Variants in BMP2K observed in about 807,000 individuals in gnomAD.
BMP2K encodes the protein BMP2 inducible kinase, also known as BMP-2-inducible protein kinase.
BMP2K carries 74 observed loss-of-function variants against 116.0 expected under a neutral mutation model. That is an observed-to-expected ratio of 0.64 (90% CI 0.53 to 0.77). The LOEUF is 0.77. Among genes scored for constraint, BMP2K ranks in the 30% least tolerant of loss-of-function variants. The pLI, the probability that BMP2K is intolerant of heterozygous loss-of-function variation, is 0.00. For missense variants in BMP2K, 1,365 were observed against 1,403.6 expected (o/e 0.97, Z 0.44); for synonymous variants, 486 against 502.5 (o/e 0.97, Z 0.44).
At chr4:78,801,511 T>C (rs969107410) in intron 1 of BMP2K, among the ~76,000 whole-genome samples, 4 of 152,164 alleles carry the variant, frequency 2.6e-5, no homozygotes, top group African/African-American at 9.6e-5. Flanking sequence ...TTTTTCTTTA[T>C]ACTGAAATAG....
intron 1 of BMP2K, among the ~76,000 whole-genome samples, chr4:78,796,069 C>T (rs1232185878): frequency 2.0e-5 from 3 of 152,054 alleles, no homozygotes; most frequent in Admixed American, 6.6e-5. Flanking sequence ...ATAAATCATG[C>T]TGCTATAAAG....
intron 6 of BMP2K, among the ~76,000 whole-genome samples, chr4:78,850,665 C>T (rs1290269478): frequency 2.0e-5 from 3 of 151,418 alleles, no homozygotes; most frequent in Admixed American, 2.0e-4. Flanking sequence ...AATTTTTTTC[C>T]AAAAAGAACC....
intron 2 of BMP2K, among the ~76,000 whole-genome samples, chr4:78,827,953 A>G (rs544992748): frequency 6.6e-6 from 1 of 152,192 alleles, no homozygotes; most frequent in Non-Finnish European, 1.5e-5. Context: ...GTACTGTCCA[A>G]GTGTCCAGTA....
chr4:78,822,270 T>C (rs747689659), intron 1 of BMP2K, among the ~76,000 whole-genome samples: 2 of 152,196 alleles, frequency 1.3e-5, no homozygotes, highest in Non-Finnish European at 2.9e-5. Flanking sequence ...TTTGTGTGTA[T>C]GTGGAGACCA....
chr4:78,859,744 A>G (rs1731679272), intron 8 of BMP2K, 57 bp downstream of exon 8: 6 of 1,215,968 alleles, frequency 4.9e-6, no homozygotes, highest in African/African-American at 1.5e-5. Flanking sequence ...GTATGTGAAT[A>G]TATTTACTTT....
At chr4:78,814,502 G>A (rs1362262596) in intron 1 of BMP2K, among the ~76,000 whole-genome samples, 1 of 152,168 alleles carries the variant, frequency 6.6e-6, no homozygotes, top group Non-Finnish European at 1.5e-5. Flanking sequence ...AGTTTCCTCT[G>A]TGCTGTTCTC....
chr4:78,810,921 C>G (rs1427982541), intron 1 of BMP2K, among the ~76,000 whole-genome samples: 2 of 152,020 alleles, frequency 1.3e-5, no homozygotes, highest in Non-Finnish European at 2.9e-5. Flanking sequence ...AATAAAGGAG[C>G]AAATTTTTGG....
chr4:78,829,776 T>TCTC (rs1288138180), intron 2 of BMP2K, among the ~76,000 whole-genome samples: 2 of 113,242 alleles, frequency 1.8e-5, no homozygotes, highest in South Asian at 6.1e-4. Context: ...TTTTCTTTTC[T>TCTC]TTTCTTTTCT....
chr4:78,844,719 T>A (rs937580248), intron 4 of BMP2K, among the ~76,000 whole-genome samples: 3 of 151,598 alleles, frequency 2.0e-5, no homozygotes, highest in African/African-American at 7.2e-5. Flanking sequence ...AATTTGGGTA[T>A]CTTATGTCTA....
In BMP2K at chr4:78,871,003, G is replaced by C. The variant is rs757356061; in HGVS notation, c.1452G>C (p.Gln484His). The C allele has an allele frequency of 4.4e-6, 7 of 1,573,854 alleles. No homozygotes were observed. In the East Asian group the frequency reaches 6.8e-5, roughly 15 times the overall value. ...QQQQQQQQQQ[Q>H]QQHHHHHHHH... ...AGCAACAGCAGCAGCAGCAGCAGCA[G>C]CAGCAGCACCACCACCACCACCACC... Residue 484 changes from glutamine to histidine, a missense_variant, in exon 11 of 16, where the codon CAG becomes CAC. Coordinates refer to ENST00000502613, the MANE Select transcript of BMP2K (RefSeq NM_198892.2).
chr4:78,804,724 CTT>C (rs1389234989), intron 1 of BMP2K, among the ~76,000 whole-genome samples: 7 of 140,216 alleles, frequency 5.0e-5, no homozygotes, highest in African/African-American at 5.2e-5. Flanking sequence ...ATGTGTGTAT[CTT>C]TTTTTTTTTT....
In BMP2K at chr4:78,878,898, G is replaced by T; in HGVS notation, c.1951+7G>T. On this transcript the variant is annotated splice_region_variant and intron_variant, in intron 14 of 15. Transcript: ENST00000502613. ...TTTGACCTTCTAAGATCAAGTAAGG[G>T]ACACTTGAAGGCTTATTTTGCTTCA... 6.2e-7 allele frequency: 1 copy of T among 1,605,534 alleles called. No homozygotes were observed. The highest frequency in any genetic ancestry group is 1.1e-5 in the South Asian group (1 of 88,810).
At chr4:78,846,229 C>A (rs938492633) in intron 5 of BMP2K, among the ~76,000 whole-genome samples, 1 of 151,650 alleles carries the variant, frequency 6.6e-6, no homozygotes, top group Non-Finnish European at 1.5e-5. Flanking sequence ...ATGGACTTAC[C>A]ATTCATTCAG....
intron 1 of BMP2K, among the ~76,000 whole-genome samples, chr4:78,785,010 G>A (rs898070297): frequency 2.6e-5 from 4 of 152,284 alleles, no homozygotes; most frequent in African/African-American, 7.2e-5. Context: ...CATAATGAAA[G>A]GATTGTGTTT....
chr4:78,904,704 G>T (rs1712456797), intron 15 of BMP2K, among the ~76,000 whole-genome samples: 1 of 151,870 alleles, frequency 6.6e-6, no homozygotes, highest in Non-Finnish European at 1.5e-5. Context: ...AATTGAAAGA[G>T]CACTGCATTT....
chr4:78,811,318 T>C (rs1162694724), intron 1 of BMP2K, among the ~76,000 whole-genome samples: 2 of 152,250 alleles, frequency 1.3e-5, no homozygotes, highest in African/African-American at 4.8e-5. Flanking sequence ...CAGTAAACCC[T>C]TGACTGAGTA....
chr4:78,823,666 A>G (rs1729743938), intron 1 of BMP2K, among the ~76,000 whole-genome samples: 1 of 150,964 alleles, frequency 6.6e-6, no homozygotes, highest in Admixed American at 6.6e-5. Context: ...ATAAATATAT[A>G]AATGGGGCCC....
At chr4:78,865,460 A>C (rs984051363) in intron 9 of BMP2K, 97 bp from the exon 10 acceptor site, 5 of 1,128,292 alleles carry the variant, frequency 4.4e-6, no homozygotes, top group Non-Finnish European at 6.4e-6. Flanking sequence ...TATCAGTAAT[A>C]GTTAAAATGT....
At chr4:78,903,701 A>T (rs901066658) in intron 15 of BMP2K, among the ~76,000 whole-genome samples, 7 of 152,048 alleles carry the variant, frequency 4.6e-5, no homozygotes, top group African/African-American at 7.2e-5. Context: ...ATTAAAAAAA[A>T]TTTTTAATAC....
Sources: allele counts gnomAD v4.1 joint callset (sites outside exome capture counted in the v4.1 genomes callset), GRCh38; gene constraint gnomAD v4.1.1; transcripts MANE v1.5; gene names NCBI Gene and HGNC (gene_info 2026-07-23, HGNC 2026-07-21).